PCDH11X: variants seen among roughly 807,000 people sequenced by gnomAD.
The protein encoded by PCDH11X is protocadherin-11 X-linked.
A neutral mutation model predicts 53.3 loss-of-function variants in PCDH11X; 18 were observed. The ratio of observed to expected loss-of-function variants is 0.34; its 90% CI spans 0.23 to 0.50. The LOEUF is 0.50. Among genes scored for constraint, PCDH11X ranks in the 20% least tolerant of loss-of-function variants. PCDH11X has a pLI of 0.98. For synonymous variants in PCDH11X, 279 were observed against 393.3 expected (o/e 0.71, Z 3.44); for missense variants, 570 against 1,032.4 (o/e 0.55, Z 6.14).
intron 6 of PCDH11X, among the ~76,000 whole-genome samples, chrX:92,186,262 T>C (rs2058829136): frequency 9.0e-6 from 1 of 111,497 alleles, no homozygotes; most frequent in African/African-American, 3.3e-5. Context: ...GGCACAGAAA[T>C]AGGCACATAT....
chrX:92,303,491 G>A lies in PCDH11X; in HGVS notation c.3144+40348G>A, dbSNP rs188502279. Reference sequence around the variant, plus strand: ...GGGTCCTAGAGAACCTCCAACTGAGGTAAATATAAATAAGAGGAACATTCT... The same window carrying A: ...GGGTCCTAGAGAACCTCCAACTGAGATAAATATAAATAAGAGGAACATTCT... On this transcript the variant is annotated intron_variant, in intron 8 of 10. Coordinates refer to ENST00000682573, the MANE Select transcript of PCDH11X (RefSeq NM_032968.5). 8.3e-4 allele frequency among the ~76,000 whole-genome samples: 92 copies of A among 111,130 alleles called. 1 individual carries two copies. The East Asian group carries it at 0.023, about 28-fold the overall frequency.
rs181590673 is a variant in PCDH11X at position 92,420,634 on chromosome X, T to G, written c.3343+32701T>G. On this transcript the variant is annotated intron_variant, in intron 9 of 10. Coordinates refer to ENST00000682573, the MANE Select transcript of PCDH11X (RefSeq NM_032968.5). ...TTTAAGATACCATCTCACTATTTTC[T>G]GGCCTTCATGGCTTTTAATGAGAGA... 2,118 of 234,913 alleles carry G rather than the reference T, an allele frequency of 9.0e-3. 49 individuals are homozygous for G. The highest frequency in any genetic ancestry group is 0.067 in the South Asian group (1,123 of 16,733). The allele number at this position is 234,913 out of a possible 1,213,427, so 19.4% of individuals were successfully genotyped here.
chrX:92,412,453 T>C (rs1603304497), intron 9 of PCDH11X, among the ~76,000 whole-genome samples: 1 of 85,343 alleles, frequency 1.2e-5, no homozygotes, highest in African/African-American at 5.8e-5. Flanking sequence ...GGGGCTTTAA[T>C]TGTTGACAAT....
At chrX:92,481,266 G>A (rs1366330667) in intron 10 of PCDH11X, among the ~76,000 whole-genome samples, 1 of 106,095 alleles carries the variant, frequency 9.4e-6, no homozygotes, top group Non-Finnish European at 1.9e-5. Context: ...CATGCTGGCA[G>A]CAGTGGAAGG....
chrX:92,488,146 G>T (rs111878755), intron 10 of PCDH11X, among the ~76,000 whole-genome samples: 5,252 of 109,685 alleles, frequency 0.048, 313 homozygotes, highest in African/African-American at 0.16. Flanking sequence ...GATATCTTTT[G>T]TTAACCTCTC....
At chrX:92,541,581 T>C (rs901561502) in intron 10 of PCDH11X, among the ~76,000 whole-genome samples, 4 of 111,178 alleles carry the variant, frequency 3.6e-5, no homozygotes, top group Non-Finnish European at 5.7e-5. Flanking sequence ...AATTTGGTGT[T>C]CCAGCGCAGG....
chrX:91,865,933 G>GCTA (rs1381009409), intron 5 of PCDH11X, among the ~76,000 whole-genome samples: 1 of 109,972 alleles, frequency 9.1e-6, no homozygotes, highest in Non-Finnish European at 1.9e-5. Flanking sequence ...GTCCAGAAAT[G>GCTA]CTACCCAAGG....
At chrX:92,258,265 G>A (rs910514640) in intron 7 of PCDH11X, among the ~76,000 whole-genome samples, 45 of 111,311 alleles carry the variant, frequency 4.0e-4, no homozygotes, top group African/African-American at 1.5e-3. Context: ...CTCTGGGCCT[G>A]TAATGGGGGG....
intron 9 of PCDH11X, among the ~76,000 whole-genome samples, chrX:92,405,677 A>G (rs968345569): frequency 5.8e-5 from 6 of 104,011 alleles, no homozygotes; most frequent in Non-Finnish European, 1.2e-4. Context: ...AAAAGTATTA[A>G]CATGTGTATA....
intron 10 of PCDH11X, among the ~76,000 whole-genome samples, chrX:92,510,755 G>A (rs2750890): frequency 1.8e-5 from 2 of 110,991 alleles, no homozygotes; most frequent in African/African-American, 6.6e-5. Flanking sequence ...TTTTGTATTC[G>A]ATTAGATTAT....
intron 4 of PCDH11X, among the ~76,000 whole-genome samples, chrX:91,813,275 T>G (rs1936347177): frequency 9.0e-6 from 1 of 110,700 alleles, no homozygotes; most frequent in Non-Finnish European, 1.9e-5. Context: ...CTAAGACTTT[T>G]TCTTGCTGAC....
chrX:92,061,760 G>A (rs773807419), intron 6 of PCDH11X, among the ~76,000 whole-genome samples: 1 of 110,616 alleles, frequency 9.0e-6, no homozygotes, highest in South Asian at 3.8e-4. Context: ...TTTTTACTTA[G>A]GATTGCCTTG....
rs1172865573 is a variant in PCDH11X, at chrX:92,102,576, G to A, written c.3034-98799G>A. Among the ~76,000 whole-genome samples the A allele has an allele frequency of 2.7e-5, 3 of 111,887 alleles. No homozygotes were observed. In the East Asian group the frequency reaches 8.4e-4, roughly 31 times the overall value. On this transcript the variant is annotated intron_variant, in intron 6 of 10. Coordinates refer to ENST00000682573, the MANE Select transcript of PCDH11X (RefSeq NM_032968.5). ...GGTAACAGATGAGGATGAAATTTGGGCTTGACTGAAGTAATGGGGGCTGTC... is the reference window on the plus strand; with the variant it reads ...GGTAACAGATGAGGATGAAATTTGGACTTGACTGAAGTAATGGGGGCTGTC...
intron 10 of PCDH11X, among the ~76,000 whole-genome samples, chrX:92,480,216 T>C (rs188703692): frequency 8.9e-6 from 1 of 111,887 alleles, no homozygotes; most frequent in East Asian, 2.8e-4. Context: ...TATATTATTT[T>C]CTATAAAGAC....
At chrX:92,353,743 TA>T (rs2070118208) in intron 8 of PCDH11X, among the ~76,000 whole-genome samples, 1 of 109,552 alleles carries the variant, frequency 9.1e-6, no homozygotes, top group Admixed American at 9.9e-5. Flanking sequence ...AATAATTTTC[TA>T]AGATCTGTAA....
At chrX:92,043,739 C>A (rs1602743651) in intron 6 of PCDH11X, among the ~76,000 whole-genome samples, 1 of 108,427 alleles carries the variant, frequency 9.2e-6, no homozygotes, top group Non-Finnish European at 1.9e-5. Context: ...AGTGTACGAT[C>A]ATATACAAAT....
intron 6 of PCDH11X, among the ~76,000 whole-genome samples, chrX:92,019,096 G>C (rs1466835400): frequency 9.0e-6 from 1 of 111,049 alleles, no homozygotes; most frequent in Non-Finnish European, 1.9e-5. Context: ...AGAGTGGATG[G>C]AGGAAAGTCA....
At chrX:91,795,993 C>A (rs1188073160) in intron 1 of PCDH11X, among the ~76,000 whole-genome samples, 2 of 111,871 alleles carry the variant, frequency 1.8e-5, no homozygotes, top group Non-Finnish European at 3.8e-5. Flanking sequence ...AAATGTCTAA[C>A]ACATTAGACT....
chrX:92,116,140 T>G (rs1046727752), intron 6 of PCDH11X, among the ~76,000 whole-genome samples: 1 of 112,484 alleles, frequency 8.9e-6, no homozygotes, highest in African/African-American at 3.2e-5. Flanking sequence ...AACACTTAGC[T>G]TTTAATGCTT....
Sources: gnomAD v4.1 joint callset for allele counts (sites outside exome capture counted in the v4.1 genomes callset) on GRCh38, gnomAD v4.1.1 for gene constraint, MANE v1.5 for transcripts, NCBI Gene and HGNC (gene_info 2026-07-23, HGNC 2026-07-21) for gene names.